CACNA1C: variants seen among roughly 807,000 people sequenced by gnomAD.
The protein encoded by CACNA1C is calcium voltage-gated channel subunit alpha1 C.
CACNA1C carries 30 observed loss-of-function variants against 229.0 expected under a neutral mutation model. The observed-to-expected ratio is 0.13, with a 90% CI of 0.10 to 0.18. The LOEUF (loss-of-function observed/expected upper bound fraction) is 0.18, where lower values mean the gene tolerates loss of function less well. CACNA1C is among the 10% of genes least tolerant of loss of function. The pLI is 1.00. For missense variants in CACNA1C, 1,658 were observed against 2,845.0 expected (o/e 0.58, Z 9.49); for synonymous variants, 1,114 against 1,132.5 (o/e 0.98, Z 0.33).
At chr12:2,667,925 C>G (rs185685245) in intron 37 of CACNA1C, among the ~76,000 whole-genome samples, 3 of 152,198 alleles carry the variant, frequency 2.0e-5, no homozygotes, top group Non-Finnish European at 4.4e-5. Flanking sequence ...CTCGTCATGA[C>G]CCATTGCATG....
chr12:2,276,134 G>T (rs1042282110), intron 3 of CACNA1C, among the ~76,000 whole-genome samples: 1 of 151,850 alleles, frequency 6.6e-6, no homozygotes, highest in African/African-American at 2.4e-5. Flanking sequence ...GGGTACAGAG[G>T]GCCAACTGTA....
intron 3 of CACNA1C, among the ~76,000 whole-genome samples, chr12:2,308,910 G>A (rs541709630): frequency 3.4e-4 from 52 of 152,154 alleles, no homozygotes; most frequent in African/African-American, 1.3e-3. Context: ...AATTGGTACA[G>A]CCATTATGGA....
At chr12:2,663,174 G>A (rs1388283719) in intron 34 of CACNA1C, among the ~76,000 whole-genome samples, 3 of 152,152 alleles carry the variant, frequency 2.0e-5, no homozygotes, top group South Asian at 2.1e-4. Context: ...AAAATACACC[G>A]TAAATAATAC....
intron 3 of CACNA1C, among the ~76,000 whole-genome samples, chr12:2,246,914 G>C (rs1241194471): frequency 6.6e-6 from 1 of 152,086 alleles, no homozygotes; most frequent in Non-Finnish European, 1.5e-5. Flanking sequence ...CTGCATCCCT[G>C]TCTCCCCACT....
chr12:2,443,559 A>C (rs2099249158), intron 3 of CACNA1C, among the ~76,000 whole-genome samples: 1 of 152,142 alleles, frequency 6.6e-6, no homozygotes, highest in Non-Finnish European at 1.5e-5. Flanking sequence ...TTGGCTTCCA[A>C]AGCTTCCCGT....
intron 27 of CACNA1C, among the ~76,000 whole-genome samples, chr12:2,609,028 T>A (rs1323766168): frequency 6.6e-6 from 1 of 152,166 alleles, no homozygotes; most frequent in Non-Finnish European, 1.5e-5. Context: ...GGGACCCAAG[T>A]GGGTCGGCAC....
chr12:2,218,976 A>G lies in CACNA1C; in HGVS notation c.477+98546A>G, dbSNP rs2060719898. ...CAAGGCATTCGGCACAGGAATGGGA[A>G]ACTGTCAGTTTGTAAATCTGGGATG... On this transcript the variant is annotated intron_variant, in intron 3 of 46. Transcript: ENST00000399655. 2.0e-5 allele frequency among the ~76,000 whole-genome samples: 3 copies of G among 152,164 alleles called. No homozygotes were observed. In the South Asian group the frequency reaches 6.2e-4, roughly 32 times the overall value.
At chr12:2,413,145 G>A (rs1459764151) in intron 3 of CACNA1C, among the ~76,000 whole-genome samples, 1 of 152,138 alleles carries the variant, frequency 6.6e-6, no homozygotes, top group East Asian at 1.9e-4. Flanking sequence ...AACTTCCCAC[G>A]TACCTGGGAC....
At chr12:2,323,618 C>T (rs1018787522) in intron 3 of CACNA1C, among the ~76,000 whole-genome samples, 1 of 152,166 alleles carries the variant, frequency 6.6e-6, no homozygotes, top group Non-Finnish European at 1.5e-5. Context: ...CCCTGCGACC[C>T]TCAAAAAACC....
At chr12:2,313,447 G>A (rs997011238) in intron 3 of CACNA1C, among the ~76,000 whole-genome samples, 2 of 152,164 alleles carry the variant, frequency 1.3e-5, no homozygotes, top group Non-Finnish European at 1.5e-5. Context: ...GGTAGGACAC[G>A]AATCAGCAGG....
At chr12:2,483,194 C>T (rs1052384954) in intron 5 of CACNA1C, among the ~76,000 whole-genome samples, 8 of 152,206 alleles carry the variant, frequency 5.3e-5, no homozygotes, top group Non-Finnish European at 8.8e-5. Flanking sequence ...AGCCAGAGAA[C>T]TGCGGGGTGT....
At chr12:2,535,343 C>T (rs1025876486) in intron 9 of CACNA1C, among the ~76,000 whole-genome samples, 2 of 151,110 alleles carry the variant, frequency 1.3e-5, no homozygotes, top group Non-Finnish European at 2.9e-5. Flanking sequence ...GAGCTGAGAT[C>T]GCACCACTGC....
At chr12:2,498,553 C>G (rs1334753952) in intron 7 of CACNA1C, among the ~76,000 whole-genome samples, 1 of 152,222 alleles carries the variant, frequency 6.6e-6, no homozygotes, top group Non-Finnish European at 1.5e-5. Context: ...TTTGCTGTTT[C>G]CTGGGACGAG....
intron 29 of CACNA1C, among the ~76,000 whole-genome samples, chr12:2,619,558 G>A (rs1363889721): frequency 6.6e-6 from 1 of 152,086 alleles, no homozygotes; most frequent in African/African-American, 2.4e-5. Flanking sequence ...CTTGAAGTTG[G>A]GTTGTGCAAG....
intron 20 of CACNA1C, 107 bp downstream of exon 20, chr12:2,596,110 C>A: frequency 9.0e-7 from 1 of 1,116,762 alleles, no homozygotes; most frequent in Non-Finnish European, 1.3e-6. Flanking sequence ...TTCTAGGTGT[C>A]ATAATTAGAT....
intron 1 of CACNA1C, among the ~76,000 whole-genome samples, chr12:2,097,195 G>C (rs1459887723): frequency 2.0e-5 from 3 of 152,040 alleles, no homozygotes; most frequent in East Asian, 1.9e-4. Flanking sequence ...ACCCAGGCTG[G>C]AGTGCAGTGG....
intron 3 of CACNA1C, among the ~76,000 whole-genome samples, chr12:2,168,346 A>G (rs1179702395): frequency 2.6e-5 from 4 of 152,252 alleles, no homozygotes; most frequent in African/African-American, 4.8e-5. Flanking sequence ...GTCCTCTGGA[A>G]GATGAGGGGT....
In CACNA1C at chr12:2,420,145, G is replaced by GTGTGTGTGTC. The variant is rs1260767453; in HGVS notation, c.478-28828_478-28827insGTGTGTCTGT. Among the ~76,000 whole-genome samples the GTGTGTGTGTC allele has an allele frequency of 7.3e-4, 109 of 150,290 alleles. 2 individuals carry two copies. Among genetic ancestry groups the GTGTGTGTGTC allele is most frequent in the African/African-American group, 2.6e-3 (105 of 40,676 alleles). ...TGTGTGTGTGTGTGTGTGTGTGTGT[G>GTGTGTGTGTC]TGTAGGGGGAGGGAGCATTCAACAG... On this transcript the variant is annotated intron_variant, in intron 3 of 46. Transcript: ENST00000399655.
chr12:2,201,909 A>G (rs1382466235), intron 3 of CACNA1C, among the ~76,000 whole-genome samples: 1 of 152,156 alleles, frequency 6.6e-6, no homozygotes, highest in Non-Finnish European at 1.5e-5. Flanking sequence ...GTGACATCCA[A>G]ACAAAATCTG....
Sources: gnomAD v4.1 joint callset for allele counts (sites outside exome capture counted in the v4.1 genomes callset) on GRCh38, gnomAD v4.1.1 for gene constraint, MANE v1.5 for transcripts, NCBI Gene and HGNC (gene_info 2026-07-23, HGNC 2026-07-21) for gene names.